Variants in NEGR1 observed in about 807,000 individuals in gnomAD.
NEGR1 encodes the protein neuronal growth regulator 1, also known as IgLON family member 4.
A neutral mutation model predicts 40.9 loss-of-function variants in NEGR1; 10 were observed. That is an observed-to-expected ratio of 0.24 (90% confidence interval 0.15 to 0.42). The LOEUF (loss-of-function observed/expected upper bound fraction) is 0.42. Ranked by LOEUF, NEGR1 falls within the 10% of genes least tolerant of loss-of-function variation. The probability of loss-of-function intolerance (pLI) is 1.00; values close to 1 mark genes in which losing one functional copy is unlikely to be tolerated. For synonymous variants in NEGR1, 185 were observed against 166.8 expected (o/e 1.11, Z -0.84); for missense variants, 352 against 438.9 (o/e 0.80, Z 1.77).
chr1:72,281,719 G>GA (rs929203169), intron 1 of NEGR1, among the ~76,000 whole-genome samples: 4 of 151,464 alleles, frequency 2.6e-5, no homozygotes, highest in Non-Finnish European at 4.4e-5. Flanking sequence ...AAAAAGGAGG[G>GA]AAAAAACAGA....
At chr1:71,626,141 T>C (rs1054443811) in intron 4 of NEGR1, among the ~76,000 whole-genome samples, 1 of 151,954 alleles carries the variant, frequency 6.6e-6, no homozygotes, top group Admixed American at 6.6e-5. Context: ...AAAACCACTC[T>C]GGTACCAAGA....
chr1:72,037,934 C>T (rs970272886), intron 1 of NEGR1, among the ~76,000 whole-genome samples: 2 of 152,032 alleles, frequency 1.3e-5, no homozygotes, highest in Admixed American at 1.3e-4. Context: ...AAAGTTGCTG[C>T]CACCTGCTGG....
intron 6 of NEGR1, among the ~76,000 whole-genome samples, chr1:71,546,207 T>C (rs1411251989): frequency 6.6e-6 from 1 of 151,704 alleles, no homozygotes. Flanking sequence ...ACATAAGGAA[T>C]GTCCATGGCA....
At chr1:71,759,596 C>CCTTTTTT (rs1655866326) in intron 3 of NEGR1, among the ~76,000 whole-genome samples, 1 of 31,952 alleles carries the variant, frequency 3.1e-5, no homozygotes, top group African/African-American at 9.3e-5. Context: ...TGCGTCCAGG[C>CCTTTTTT]TTTTTTTTTT....
intron 3 of NEGR1, among the ~76,000 whole-genome samples, chr1:71,723,269 G>C (rs1654569786): frequency 6.6e-6 from 1 of 152,026 alleles, no homozygotes; most frequent in African/African-American, 2.4e-5. Context: ...CTGGCACAGA[G>C]CTCCTAAAAC....
chr1:72,178,451 G>C (rs897033294), intron 1 of NEGR1, among the ~76,000 whole-genome samples: 1 of 151,450 alleles, frequency 6.6e-6, no homozygotes, highest in South Asian at 2.1e-4. Flanking sequence ...TATTCTGCTT[G>C]ACAGCTCACA....
At chr1:71,522,101 T>A (rs151287419) in intron 6 of NEGR1, among the ~76,000 whole-genome samples, 1 of 152,120 alleles carries the variant, frequency 6.6e-6, no homozygotes, top group East Asian at 1.9e-4. Flanking sequence ...TGCACACACA[T>A]GTCCTTGGTT....
At chr1:71,868,097 G>A (rs557788127) in intron 2 of NEGR1, among the ~76,000 whole-genome samples, 12 of 152,176 alleles carry the variant, frequency 7.9e-5, no homozygotes, top group Middle Eastern at 3.4e-3. Context: ...GCACATACAC[G>A]TTTTATATAA....
intron 3 of NEGR1, among the ~76,000 whole-genome samples, chr1:71,752,307 GA>G (rs1461251616): frequency 2.6e-5 from 4 of 152,132 alleles, no homozygotes; most frequent in Non-Finnish European, 5.9e-5. Context: ...CCACGTGAAA[GA>G]AGTCATAGAT....
intron 3 of NEGR1, among the ~76,000 whole-genome samples, chr1:71,733,990 C>G (rs1018132663): frequency 2.6e-5 from 4 of 152,128 alleles, no homozygotes; most frequent in African/African-American, 4.8e-5. Flanking sequence ...ATTTTACATA[C>G]TTTATTAATC....
chr1:71,913,844 C>T, intron 2 of NEGR1, among the ~76,000 whole-genome samples: 1 of 140,100 alleles, frequency 7.1e-6, no homozygotes, highest in East Asian at 2.2e-4. Flanking sequence ...AGTGTTTCCT[C>T]TGAAGGAAAG....
At chr1:71,420,185 A>G (rs1477986247) in intron 6 of NEGR1, among the ~76,000 whole-genome samples, 2 of 152,110 alleles carry the variant, frequency 1.3e-5, no homozygotes, top group Non-Finnish European at 2.9e-5. Flanking sequence ...CAGGCACAAA[A>G]CATTAGGAAA....
At chr1:71,635,791 T>C (rs1651127942) in intron 4 of NEGR1, among the ~76,000 whole-genome samples, 2 of 151,998 alleles carry the variant, frequency 1.3e-5, no homozygotes, top group Non-Finnish European at 2.9e-5. Flanking sequence ...AATGCTTGAG[T>C]CACCCATGCA....
chr1:71,796,503 G>C (rs1202338932), intron 2 of NEGR1, among the ~76,000 whole-genome samples: 1 of 152,138 alleles, frequency 6.6e-6, no homozygotes, highest in Non-Finnish European at 1.5e-5. Flanking sequence ...GAGATCAAAA[G>C]CTACAAGAAA....
intron 1 of NEGR1, among the ~76,000 whole-genome samples, chr1:72,077,232 G>A (rs1647782844): frequency 6.6e-6 from 1 of 151,920 alleles, no homozygotes; most frequent in Non-Finnish European, 1.5e-5. Context: ...ACACGAATGT[G>A]ATGTATGCAA....
chr1:71,486,368 C>T (rs1031030787), intron 6 of NEGR1: 2 of 150,644 alleles, frequency 1.3e-5, no homozygotes, highest in Non-Finnish European at 3.0e-5. Context: ...ATGTCTTTTG[C>T]AAATATTTTC....
At chr1:71,417,380 G>T (rs1646363382) in intron 6 of NEGR1, among the ~76,000 whole-genome samples, 1 of 152,156 alleles carries the variant, frequency 6.6e-6, no homozygotes, top group African/African-American at 2.4e-5. Flanking sequence ...AGAAAAAAGA[G>T]ATAGGAAAGA....
At chr1:71,634,350 C>A (rs150232972) in intron 4 of NEGR1, among the ~76,000 whole-genome samples, 57 of 152,184 alleles carry the variant, frequency 3.7e-4, no homozygotes, top group African/African-American at 1.3e-3. Flanking sequence ...TAAGCCAGGC[C>A]AACCATGGCC....
chr1:72,124,485 C>T (rs1019135799), intron 1 of NEGR1, among the ~76,000 whole-genome samples: 1 of 151,888 alleles, frequency 6.6e-6, no homozygotes. Flanking sequence ...AACAAACACT[C>T]GAGCGATATG....
Sources: gnomAD v4.1 joint callset for allele counts (sites outside exome capture counted in the v4.1 genomes callset) on GRCh38, gnomAD v4.1.1 for gene constraint, MANE v1.5 for transcripts, NCBI Gene and HGNC (gene_info 2026-07-23, HGNC 2026-07-21) for gene names.